Variants in ANP32A observed in about 807,000 individuals in gnomAD.
ANP32A encodes the protein acidic leucine-rich nuclear phosphoprotein 32 family member A.
A neutral mutation model predicts 33.9 loss-of-function variants in ANP32A; 1 was observed. The ratio of observed to expected loss-of-function variants is 0.03; its 90% CI spans 0.01 to 0.14. The LOEUF (loss-of-function observed/expected upper bound fraction) is 0.14, where lower values mean the gene tolerates loss of function less well. Among genes scored for constraint, ANP32A ranks in the 10% least tolerant of loss-of-function variants. ANP32A has a pLI of 1.00. For missense variants in ANP32A, 155 were observed against 306.0 expected, an observed-to-expected ratio of 0.51 and a Z score of 3.68; for synonymous variants, 115 against 120.5, an observed-to-expected ratio of 0.95 and a Z score of 0.30.
chr15:68,794,361 C>A (rs1318272544), intron 1 of ANP32A, among the ~76,000 whole-genome samples: 1 of 152,162 alleles, frequency 6.6e-6, no homozygotes, highest in Non-Finnish European at 1.5e-5. Flanking sequence ...TACATCCACA[C>A]CTTGTTTTGT....
intron 1 of ANP32A, among the ~76,000 whole-genome samples, chr15:68,818,624 A>G (rs1298377589): frequency 1.3e-5 from 2 of 151,628 alleles, no homozygotes; most frequent in Non-Finnish European, 2.9e-5. Context: ...TCCCCAACAC[A>G]CACACACACT....
chr15:68,783,792 C>T (rs754469292), intron 4 of ANP32A, among the ~76,000 whole-genome samples: 3 of 152,170 alleles, frequency 2.0e-5, no homozygotes, highest in African/African-American at 4.8e-5. Flanking sequence ...AAGTGGCCTG[C>T]AGTCCTCCAC....
chr15:68,805,566 A>T (rs1894207831), intron 1 of ANP32A, among the ~76,000 whole-genome samples: 3 of 152,236 alleles, frequency 2.0e-5, no homozygotes, highest in Admixed American at 2.0e-4. Context: ...GCCGGCTATT[A>T]TACTTGTCCT....
At chr15:68,792,271 T>C (rs1894007147) in intron 1 of ANP32A, 1 of 152,216 alleles carries the variant, frequency 6.6e-6, no homozygotes, top group Admixed American at 6.5e-5. Context: ...CAAATGTGGT[T>C]ACCCTACCTA....
rs1183131394 is a variant in ANP32A, at chr15:68,784,513, T to C, written c.410A>G (p.Lys137Arg). 9 of 1,614,156 alleles carry C rather than the reference T, an allele frequency of 5.6e-6. No individual in the cohort carries two copies. Among genetic ancestry groups the C allele is most frequent in the African/African-American group, 2.7e-5 (2 of 75,026 alleles). Residue 137 changes from lysine to arginine, a missense_variant, in exon 4 of 7, where the codon AAG becomes AGG. Around this residue, in one of 4 missense-constraint regions of ANP32A, gnomAD observed 85 missense variants for 183.8 expected, o/e 0.46. Transcript: ENST00000465139. The part of the protein sequence containing the change: ...NLNDYRENVF[K>R]LLPQLTYLDG... ...GAGATATGTGAGTTGCGGGAGGAGC[T>C]TGAACACATTTTCTCGGTAGTCGTT... is the stretch of plus-strand genomic sequence containing the variant.
intron 3 of ANP32A, among the ~76,000 whole-genome samples, chr15:68,785,673 G>A (rs1893922708): frequency 6.6e-6 from 1 of 152,164 alleles, no homozygotes; most frequent in African/African-American, 2.4e-5. Context: ...AGGACGGTAA[G>A]GCAACACACA....
chr15:68,808,339 T>C (rs1894266123), intron 1 of ANP32A, among the ~76,000 whole-genome samples: 1 of 150,174 alleles, frequency 6.7e-6, no homozygotes, highest in South Asian at 2.1e-4. Flanking sequence ...GGGGTTGAAA[T>C]CGGCTTTACT....
At chr15:68,787,957 ATGGGGC>A in intron 1 of ANP32A, 38 bp from the exon 2 acceptor site, 1 of 1,613,160 alleles carries the variant, frequency 6.2e-7, no homozygotes, top group Non-Finnish European at 8.5e-7. Context: ...GGGCTGAGGA[ATGGGGC>A]TGAAGCAGGG....
chr15:68,812,723 T>C (rs1244313604), intron 1 of ANP32A, among the ~76,000 whole-genome samples: 1 of 152,250 alleles, frequency 6.6e-6, no homozygotes, highest in Non-Finnish European at 1.5e-5. Context: ...GTTTTCTTTT[T>C]AATGAATAAA....
In ANP32A at chr15:68,820,632, G is replaced by GCACACACA. The variant is rs35802209; in HGVS notation, c.54+58_54+65dup. ...CAAAAAAAGTGCCTCCCCCCAGCGCGCACACACACACACACACACAAAGTA... is the reference window on the plus strand; with the variant it reads ...CAAAAAAAGTGCCTCCCCCCAGCGCGCACACACACACACACACACACACACACAAAGTA... On this transcript the variant is annotated intron_variant, in intron 1 of 6. Transcript: ENST00000465139. The GCACACACA allele has an allele frequency of 7.0e-4, 661 of 944,434 alleles. 1 individual carries two copies. Among genetic ancestry groups the GCACACACA allele is most frequent in the Middle Eastern group, 3.0e-3 (10 of 3,288 alleles). The allele number at this position is 944,434 out of a possible 1,614,324, so 58.5% of individuals were successfully genotyped here.
At chr15:68,816,043 C>G (rs1185662532) in intron 1 of ANP32A, among the ~76,000 whole-genome samples, 1 of 152,160 alleles carries the variant, frequency 6.6e-6, no homozygotes. Context: ...TCAACCTAAC[C>G]CACTGTGATG....
At chr15:68,803,429 A>C (rs371869690) in intron 1 of ANP32A, among the ~76,000 whole-genome samples, 1 of 152,222 alleles carries the variant, frequency 6.6e-6, no homozygotes, top group South Asian at 2.1e-4. Flanking sequence ...TTCTTAGAGG[A>C]GTCTGGAATA....
chr15:68,787,342 A>G, intron 3 of ANP32A, 71 bp downstream of exon 3: 3 of 1,596,348 alleles, frequency 1.9e-6, no homozygotes, highest in Non-Finnish European at 2.6e-6. Flanking sequence ...CAAATGCAAA[A>G]GTAGTATTTG....
At chr15:68,802,818 A>ATTTTTTTTTTTTTTTTTTTTTT (rs1894155868) in intron 1 of ANP32A, among the ~76,000 whole-genome samples, 5 of 152,006 alleles carry the variant, frequency 3.3e-5, no homozygotes, top group African/African-American at 7.3e-5. Flanking sequence ...ATGCCCGGCT[A>ATTTTTTTTTTTTTTTTTTTTTT]ATTTTTTATA....
chr15:68,799,676 G>A lies in ANP32A; in HGVS notation c.55-11757C>T, dbSNP rs530139791. Among the ~76,000 whole-genome samples, 6 of 152,262 alleles carry A rather than the reference G, an allele frequency of 3.9e-5. No homozygotes were observed. The South Asian group carries it at 8.3e-4, about 21-fold the overall frequency. On this transcript the variant is annotated intron_variant, in intron 1 of 6. Coordinates refer to ENST00000465139, the MANE Select transcript of ANP32A (RefSeq NM_006305.4). ...TGATAGGAACACGTGGGATGGACCA[G>A]GGCTCCTTGGTCAGGGTCCCAAAAC...
intron 1 of ANP32A, 46 bp downstream of exon 1, chr15:68,820,652 A>ACACACAC: frequency 6.9e-7 from 1 of 1,447,636 alleles, no homozygotes; most frequent in South Asian, 1.1e-5. Context: ...ACACACACAC[A>ACACACAC]AAGTAGGAGA....
At chr15:68,790,935 C>T (rs557996399) in intron 1 of ANP32A, 1 of 152,378 alleles carries the variant, frequency 6.6e-6, no homozygotes, top group South Asian at 2.1e-4. Context: ...GTGAATTTCT[C>T]TTGCCCTCCT....
intron 1 of ANP32A, among the ~76,000 whole-genome samples, chr15:68,816,956 T>C (rs896296695): frequency 6.6e-6 from 1 of 152,138 alleles, no homozygotes; most frequent in African/African-American, 2.4e-5. Context: ...TGAACCCAAT[T>C]AGGCAGTAAG....
intron 1 of ANP32A, among the ~76,000 whole-genome samples, chr15:68,819,655 A>C (rs1894443286): frequency 6.6e-6 from 1 of 152,216 alleles, no homozygotes; most frequent in Non-Finnish European, 1.5e-5. Context: ...CAAGCCCAGC[A>C]CTGAGAAAGA....
Sources: allele counts gnomAD v4.1 joint callset (sites outside exome capture counted in the v4.1 genomes callset), GRCh38; gene constraint gnomAD v4.1.1; regional missense constraint gnomAD v4.1.1; transcripts MANE v1.5; gene names NCBI Gene and HGNC (gene_info 2026-07-23, HGNC 2026-07-21).